CBX1: variants seen among roughly 807,000 people sequenced by gnomAD.
The protein encoded by CBX1 is chromobox protein homolog 1.
In CBX1, 10 loss-of-function variants were observed where a neutral mutation model predicts 25.1. The observed-to-expected ratio is 0.40, with a 90% CI of 0.25 to 0.68. CBX1 has a LOEUF of 0.68. Ranked by LOEUF, CBX1 falls within the 30% of genes least tolerant of loss-of-function variation. The pLI, the probability that CBX1 is intolerant of heterozygous loss-of-function variation, is 0.40. For synonymous variants in CBX1, 63 were observed against 79.4 expected (o/e 0.79, Z 1.10); for missense variants, 106 against 218.5 (o/e 0.49, Z 3.25).
chr17:48,079,392 C>T (rs1598306273), intron 1 of CBX1, among the ~76,000 whole-genome samples: 2 of 152,382 alleles, frequency 1.3e-5, no homozygotes, highest in South Asian at 2.1e-4. Flanking sequence ...AGGCATGAGC[C>T]ACTGTGCCCA....
At chr17:48,100,592 CCTT>C (rs1242165763) in intron 1 of CBX1, 2 of 409,962 alleles carry the variant, frequency 4.9e-6, no homozygotes, top group Non-Finnish European at 6.6e-6. Flanking sequence ...CCTGCTTTCC[CCTT>C]TTTTCTTACA....
Position 48,094,745 on chromosome 17 carries a change from A to G in CBX1, c.-38+6523T>C, listed in dbSNP as rs968812356. Among the ~76,000 whole-genome samples, 306 of 150,288 alleles carry G rather than the reference A, an allele frequency of 2.0e-3. 2 individuals carry two copies. Among genetic ancestry groups the G allele is most frequent in the Non-Finnish European group, 3.6e-3 (245 of 67,422 alleles). On this transcript the variant is annotated intron_variant, in intron 1 of 4. Coordinates refer to ENST00000225603, the MANE Select transcript of CBX1 (RefSeq NM_001127228.2). ...CAAGACTCTGTCTCAAAGGAAAAAA[A>G]AAAAAAAAAAGTGTGCTCCTGACTG...
At chr17:48,074,747 C>T (rs1421655068) in intron 4 of CBX1, among the ~76,000 whole-genome samples, 1 of 151,742 alleles carries the variant, frequency 6.6e-6, no homozygotes, top group Non-Finnish European at 1.5e-5. Context: ...AATGTAATTC[C>T]TTCCCACACT....
chr17:48,077,965 C>T (rs1016396826), intron 1 of CBX1, among the ~76,000 whole-genome samples: 1 of 152,088 alleles, frequency 6.6e-6, no homozygotes, highest in Non-Finnish European at 1.5e-5. Flanking sequence ...ACCATCCTGG[C>T]CAACATGGCG....
At chr17:48,082,380 T>G (rs969883140) in intron 1 of CBX1, among the ~76,000 whole-genome samples, 2 of 149,894 alleles carry the variant, frequency 1.3e-5, no homozygotes, top group Admixed American at 1.3e-4. Flanking sequence ...CGGGCACCTG[T>G]AATCCCAGCC....
At position 48,085,737 on chromosome 17, in the gene CBX1, C is replaced by T. The variant is rs1325675143; in HGVS notation, c.-37-8696G>A. On this transcript the variant is annotated intron_variant, in intron 1 of 4. Transcript: ENST00000225603. ...TTTTTTAAGTTAAACATCTAGCAAG[C>T]AGACTAGAGAGAGAACTACTGAGAA... Among the ~76,000 whole-genome samples the T allele has an allele frequency of 2.6e-5, 4 of 152,032 alleles. No homozygotes were observed. The East Asian group carries it at 7.7e-4, about 29-fold the overall frequency.
At chr17:48,076,257 GA>G in intron 2 of CBX1, 79 bp from the exon 3 acceptor site, 1 of 1,105,304 alleles carries the variant, frequency 9.0e-7, no homozygotes, top group Non-Finnish European at 1.2e-6. Context: ...AAGAGGACAA[GA>G]CCTCAGATGT....
chr17:48,086,505 G>A (rs7350950), intron 1 of CBX1, among the ~76,000 whole-genome samples: 9,137 of 152,222 alleles, frequency 0.06, 372 homozygotes, highest in Non-Finnish European at 0.092. Context: ...AACACCTACA[G>A]ACCTAAGAAA....
intron 1 of CBX1, among the ~76,000 whole-genome samples, chr17:48,078,042 C>T (rs966810980): frequency 6.6e-6 from 1 of 151,916 alleles, no homozygotes; most frequent in Non-Finnish European, 1.5e-5. Context: ...GACTGTACTC[C>T]AGCCTGGGCA....
At position 48,087,799 on chromosome 17, in the gene CBX1, G is replaced by C. The variant is rs935003219; in HGVS notation, c.-37-10758C>G. The stretch of plus-strand genomic sequence containing the variant: ...AGGCAGGAGAATCACTTGAACCGGG[G>C]AATCAGAGGTTGCAGTGAGCTGAGA... On this transcript the variant is annotated intron_variant, in intron 1 of 4. Coordinates refer to ENST00000225603, the MANE Select transcript of CBX1 (RefSeq NM_001127228.2). 2.1e-5 allele frequency among the ~76,000 whole-genome samples: 3 copies of C among 145,112 alleles called. No individual in the cohort carries two copies. In the Admixed American group the frequency reaches 2.1e-4, roughly 10 times the overall value.
chr17:48,075,190 AC>A (rs2037662700), intron 3 of CBX1, 90 bp from the exon 4 acceptor site: 1 of 871,582 alleles, frequency 1.1e-6, no homozygotes, highest in Non-Finnish European at 1.9e-6. Flanking sequence ...TAATGTAATC[AC>A]AAACTCTTTT....
intron 1 of CBX1, among the ~76,000 whole-genome samples, chr17:48,092,201 G>T (rs2063348079): frequency 6.6e-6 from 1 of 151,260 alleles, no homozygotes; most frequent in African/African-American, 2.4e-5. Flanking sequence ...TGTTGGTCAG[G>T]CTGGTCTCGA....
chr17:48,073,765 T>TGCA (rs1214688548), intron 4 of CBX1, among the ~76,000 whole-genome samples: 1 of 143,892 alleles, frequency 6.9e-6, no homozygotes, highest in Non-Finnish European at 1.5e-5. Context: ...GGGCGGAGGT[T>TGCA]GCAGTGAGCT....
intron 1 of CBX1, among the ~76,000 whole-genome samples, chr17:48,080,108 T>C (rs923766646): frequency 6.6e-6 from 1 of 152,104 alleles, no homozygotes. Flanking sequence ...AATGGTGCTA[T>C]CTCGGCTCAC....
In CBX1 at chr17:48,101,302, G is replaced by T. The variant is rs1372507491; in HGVS notation, c.-72C>A. 1 of 986,366 alleles carries T rather than the reference G, an allele frequency of 1.0e-6. No individual in the cohort carries two copies. The highest frequency in any genetic ancestry group is 1.2e-6 in the Non-Finnish European group (1 of 830,090). The allele number at this position is 986,366 out of a possible 1,614,324, so 61.1% of individuals were successfully genotyped here. On this transcript the variant is annotated 5_prime_UTR_variant, in exon 1 of 5. Coordinates refer to ENST00000225603, the MANE Select transcript of CBX1 (RefSeq NM_001127228.2). ...GCGCCCAAGAGCCCGAGAGGAATCGGTGCTGCGCTGCTGGCGCGTCGCGTC... is the reference window on the plus strand; with the variant it reads ...GCGCCCAAGAGCCCGAGAGGAATCGTTGCTGCGCTGCTGGCGCGTCGCGTC...
At chr17:48,081,460 C>A (rs1399777963) in intron 1 of CBX1, among the ~76,000 whole-genome samples, 2 of 152,072 alleles carry the variant, frequency 1.3e-5, no homozygotes, top group Non-Finnish European at 2.9e-5. Flanking sequence ...TTTTTTGAGA[C>A]AGAGTTTCGC....
rs1218763751 is a variant in CBX1 at position 48,076,968 on chromosome 17, C to T, written c.37G>A (p.Val13Met). The stretch of plus-strand genomic sequence containing the variant: ...TATTCCTCTTCCTCCTCTTCTAGCA[C>T]CTCCTCCACTTTCTTCTTGTTTTGT... ...KKQNKKKVEE[V>M]LEEEEEEYVV... Residue 13 changes from valine (V) to methionine (M), a missense_variant, in exon 2 of 5, where the codon GTG becomes ATG. Physicochemically the swap from Val to Met is conservative, Grantham distance 21 (BLOSUM62 1). Transcript: ENST00000225603. 4 of 1,613,832 alleles carry T rather than the reference C, an allele frequency of 2.5e-6. No homozygotes were observed. Among genetic ancestry groups the T allele is most frequent in the Non-Finnish European group, 3.4e-6 (4 of 1,179,874 alleles).
In CBX1 at chr17:48,070,879, T is replaced by C. The variant is rs1334409182; in HGVS notation, c.*556A>G. Reference sequence around the variant, plus strand: ...TTTTAAAGGTAAAATATTCTGGACATAGAAGCAAATCATTAGTTGTCTGTT... The same window carrying C: ...TTTTAAAGGTAAAATATTCTGGACACAGAAGCAAATCATTAGTTGTCTGTT... On this transcript the variant is annotated 3_prime_UTR_variant, in exon 5 of 5. Transcript: ENST00000225603. 2 of 152,712 alleles carry C rather than the reference T, an allele frequency of 1.3e-5. No individual in the cohort carries two copies. Among genetic ancestry groups the C allele is most frequent in the African/African-American group, 4.8e-5 (2 of 41,446 alleles). The allele number at this position is 152,712 out of a possible 1,614,324, so 9.5% of individuals were successfully genotyped here.
chr17:48,076,818 C>T (rs2037679067), intron 2 of CBX1, 47 bp downstream of exon 2: 2 of 1,572,006 alleles, frequency 1.3e-6, no homozygotes, highest in Admixed American at 1.8e-5. Context: ...CTCTAGACTC[C>T]TGATAAACAC....
Sources: gnomAD v4.1 joint callset for allele counts (sites outside exome capture counted in the v4.1 genomes callset) on GRCh38, gnomAD v4.1.1 for gene constraint, MANE v1.5 for transcripts, NCBI Gene and HGNC (gene_info 2026-07-23, HGNC 2026-07-21) for gene names.